The following EBF2 variants were observed in gnomAD, a reference collection of about 807,000 sequenced individuals.
The protein encoded by EBF2 is transcription factor COE2.
EBF2 carries 21 observed loss-of-function variants against 72.8 expected under a neutral mutation model. That is an observed-to-expected ratio of 0.29 (90% CI 0.20 to 0.42). The LOEUF is 0.42. EBF2 is among the 10% of genes least tolerant of loss of function. The pLI is 1.00. For synonymous variants in EBF2, 299 were observed against 274.2 expected, an observed-to-expected ratio of 1.09 and a Z score of -0.89; for missense variants, 637 against 731.2, an observed-to-expected ratio of 0.87 and a Z score of 1.49.
chr8:26,002,940 AGGCG>A (rs56946818), intron 6 of EBF2, among the ~76,000 whole-genome samples: 3,456 of 16,462 alleles, frequency 0.21, 68 homozygotes, highest in Non-Finnish European at 0.3. Context: ...GCAGGCAGGC[AGGCG>A]GGCGGGCAGG....
At chr8:26,011,928 T>C (rs1805031154) in intron 6 of EBF2, among the ~76,000 whole-genome samples, 4 of 152,092 alleles carry the variant, frequency 2.6e-5, no homozygotes, top group African/African-American at 9.7e-5. Context: ...TGCCTCCTCC[T>C]GAGTGGGTTA....
At position 26,042,271 on chromosome 8, in the gene EBF2, G is replaced by C. The variant is rs777720361; in HGVS notation, c.132-20C>G. 6.2e-7 allele frequency: 1 copy of C among 1,605,294 alleles called. No homozygotes were observed. The highest frequency in any genetic ancestry group is 8.5e-7 in the Non-Finnish European group (1 of 1,175,244). On this transcript the variant is annotated intron_variant, in intron 1 of 15. Transcript: ENST00000520164. ...ACCCCGCTGCACAGGGAGAAAAACG[G>C]GGGAACACAAGACACGGGGAAGCAC... is the stretch of plus-strand genomic sequence containing the variant.
chr8:26,026,953 C>T (rs1054481599), intron 6 of EBF2, among the ~76,000 whole-genome samples: 1 of 152,062 alleles, frequency 6.6e-6, no homozygotes, highest in Non-Finnish European at 1.5e-5. Context: ...AGCACAATGC[C>T]CAACATACAA....
At position 25,847,989 on chromosome 8, in the gene EBF2, A is replaced by G. The variant is rs558419498; in HGVS notation, c.1696+2605T>C. On this transcript the variant is annotated intron_variant, in intron 15 of 15. Transcript: ENST00000520164. ...CACTAGAGAACTTATCCATGTAATC[A>G]AAAACCACCTGTACCCCCAAAATTA... Among the ~76,000 whole-genome samples, 6 of 152,248 alleles carry G rather than the reference A, an allele frequency of 3.9e-5. No homozygotes were observed. In the South Asian group the frequency reaches 1.2e-3, roughly 32 times the overall value.
intron 10 of EBF2, among the ~76,000 whole-genome samples, chr8:25,869,021 T>C (rs969483181): frequency 1.1e-4 from 17 of 152,196 alleles, no homozygotes; most frequent in African/African-American, 2.7e-4. Context: ...CCACTAAGTC[T>C]CATCACCATA....
intron 6 of EBF2, among the ~76,000 whole-genome samples, chr8:25,984,414 G>A (rs1186941898): frequency 6.6e-6 from 1 of 152,222 alleles, no homozygotes; most frequent in African/African-American, 2.4e-5. Context: ...GGGCGCGGTG[G>A]CTCACGCCTG....
chr8:25,893,443 C>T (rs1041411889), intron 7 of EBF2, among the ~76,000 whole-genome samples: 2 of 151,970 alleles, frequency 1.3e-5, no homozygotes, highest in African/African-American at 2.4e-5. Flanking sequence ...CCTGCCACCA[C>T]ACCCAGCTAA....
At chr8:26,002,892 A>AGGCAGGCG (rs1308033818) in intron 6 of EBF2, among the ~76,000 whole-genome samples, 8 of 33,022 alleles carry the variant, frequency 2.4e-4, no homozygotes, top group Non-Finnish European at 6.4e-4. Context: ...GCAGGCGGGC[A>AGGCAGGCG]GGCAGGCGGG....
At chr8:26,027,391 T>G (rs1384046072) in intron 6 of EBF2, among the ~76,000 whole-genome samples, 1 of 151,320 alleles carries the variant, frequency 6.6e-6, no homozygotes, top group Non-Finnish European at 1.5e-5. Flanking sequence ...GGACCAAAGG[T>G]GAAACCAGCA....
At chr8:25,872,553 G>A (rs1163251829) in intron 10 of EBF2, among the ~76,000 whole-genome samples, 2 of 152,162 alleles carry the variant, frequency 1.3e-5, no homozygotes, top group Non-Finnish European at 2.9e-5. Context: ...TGTGCACACA[G>A]CCCATGGTCT....
chr8:25,939,742 A>T (rs1198425666), intron 6 of EBF2, among the ~76,000 whole-genome samples: 1 of 152,204 alleles, frequency 6.6e-6, no homozygotes, highest in Non-Finnish European at 1.5e-5. Context: ...CTTATCTGTG[A>T]ATCAGGGAAA....
At chr8:25,859,317 G>A (rs1449520369) in intron 13 of EBF2, among the ~76,000 whole-genome samples, 1 of 152,200 alleles carries the variant, frequency 6.6e-6, no homozygotes, top group African/African-American at 2.4e-5. Context: ...GGGGCCTGGA[G>A]GGGAACGGTA....
At chr8:25,851,521 G>A (rs1801973356) in intron 14 of EBF2, among the ~76,000 whole-genome samples, 1 of 152,096 alleles carries the variant, frequency 6.6e-6, no homozygotes, top group Admixed American at 6.6e-5. Context: ...ACCTCTTAAT[G>A]TCAGATACTC....
intron 6 of EBF2, among the ~76,000 whole-genome samples, chr8:25,978,864 G>A (rs1804310985): frequency 6.6e-6 from 1 of 152,176 alleles, no homozygotes; most frequent in Admixed American, 6.5e-5. Context: ...TGCCAAAGAC[G>A]TGCATTATGA....
intron 6 of EBF2, among the ~76,000 whole-genome samples, chr8:25,955,827 G>C (rs906439641): frequency 6.6e-6 from 1 of 152,136 alleles, no homozygotes; most frequent in Non-Finnish European, 1.5e-5. Flanking sequence ...GTGAATATAA[G>C]TTAATATTTT....
In EBF2 at chr8:25,874,147, T is replaced by C. The variant is rs532962111; in HGVS notation, c.1010-11350A>G. Among the ~76,000 whole-genome samples, 8 of 151,234 alleles carry C rather than the reference T, an allele frequency of 5.3e-5. No homozygotes were observed. The East Asian group carries it at 1.4e-3, about 26-fold the overall frequency. The stretch of plus-strand genomic sequence containing the variant: ...ATCAGATTCATTTCTTCAATGGGAA[T>C]TTTTTTTTCCAGGATAACGCTATAT... On this transcript the variant is annotated intron_variant, in intron 10 of 15. Transcript: ENST00000520164.
chr8:25,992,361 A>G (rs1194032646), intron 6 of EBF2, among the ~76,000 whole-genome samples: 2 of 150,262 alleles, frequency 1.3e-5, no homozygotes, highest in African/African-American at 4.9e-5. Context: ...AAAAAAAGCA[A>G]AAGGCAGTGT....
At chr8:26,011,812 A>T (rs2321720) in intron 6 of EBF2, among the ~76,000 whole-genome samples, 143,594 of 150,674 alleles carry the variant, frequency 0.95, 68,384 homozygotes, top group East Asian at 0.99. Flanking sequence ...ACTTTTTTTT[A>T]AAAAAAAAAA....
intron 7 of EBF2, among the ~76,000 whole-genome samples, chr8:25,894,726 C>T (rs1185451043): frequency 6.6e-6 from 1 of 152,228 alleles, no homozygotes; most frequent in African/African-American, 2.4e-5. Flanking sequence ...GTCAACATTT[C>T]TTACCATTAC....
Sources: gnomAD v4.1 joint callset for allele counts (sites outside exome capture counted in the v4.1 genomes callset) on GRCh38, gnomAD v4.1.1 for gene constraint, MANE v1.5 for transcripts, NCBI Gene and HGNC (gene_info 2026-07-23, HGNC 2026-07-21) for gene names.